Variants in INPP4B observed in about 807,000 individuals in gnomAD.
INPP4B encodes the protein inositol polyphosphate-4-phosphatase type II B.
In INPP4B, 55 loss-of-function variants were observed where a neutral mutation model predicts 122.5. The ratio of observed to expected loss-of-function variants is 0.45; its 90% CI spans 0.36 to 0.56. The LOEUF is 0.56. INPP4B is among the 20% of genes least tolerant of loss of function. The pLI, the probability that INPP4B is intolerant of heterozygous loss-of-function variation, is 0.00. For missense variants in INPP4B, 1,000 were observed against 1,097.7 expected, an observed-to-expected ratio of 0.91 and a Z score of 1.26; for synonymous variants, 403 against 388.7, an observed-to-expected ratio of 1.04 and a Z score of -0.43.
chr4:142,346,516 G>A lies in INPP4B; in HGVS notation c.373-31754C>T, dbSNP rs534455989. On this transcript the variant is annotated intron_variant, in intron 7 of 25. Coordinates refer to ENST00000262992, the MANE Select transcript of INPP4B (RefSeq NM_001101669.3). ...AAAGTCTCTTTCATAAAACAAAATAGCATCTGAATAAATAAGAGATAAGAG... is the reference window on the plus strand; with the variant it reads ...AAAGTCTCTTTCATAAAACAAAATAACATCTGAATAAATAAGAGATAAGAG... Among the ~76,000 whole-genome samples, 337 of 151,978 alleles carry A rather than the reference G, an allele frequency of 2.2e-3. 2 individuals are homozygous for A. Among genetic ancestry groups the A allele is most frequent in the Middle Eastern group, 6.8e-3 (2 of 292 alleles).
chr4:142,826,886 G>A (rs758958302), intron 1 of INPP4B, among the ~76,000 whole-genome samples: 2 of 152,182 alleles, frequency 1.3e-5, no homozygotes, highest in African/African-American at 4.8e-5. Flanking sequence ...TGTCGCTGTT[G>A]TTGAAATAGC....
intron 1 of INPP4B, among the ~76,000 whole-genome samples, chr4:142,805,943 T>C (rs1778620100): frequency 6.6e-6 from 1 of 152,066 alleles, no homozygotes; most frequent in Non-Finnish European, 1.5e-5. Context: ...AGTCAAGGTA[T>C]GGGAGAGTAT....
intron 12 of INPP4B, among the ~76,000 whole-genome samples, chr4:142,212,112 C>G (rs1277064091): frequency 6.6e-6 from 1 of 152,052 alleles, no homozygotes; most frequent in Non-Finnish European, 1.5e-5. Context: ...GACAGACAAC[C>G]CCGTGTACAA....
chr4:142,780,692 G>A (rs776421093), intron 1 of INPP4B, among the ~76,000 whole-genome samples: 5 of 152,056 alleles, frequency 3.3e-5, no homozygotes, highest in African/African-American at 4.8e-5. Flanking sequence ...CCAGCTACTC[G>A]GGAGGTTGAG....
At position 142,249,848 on chromosome 4, in the gene INPP4B, A is replaced by G. The variant is rs972759136; in HGVS notation, c.688+10644T>C. The stretch of plus-strand genomic sequence containing the variant: ...GACTTAGGCACCAAACTCCATGACT[A>G]TGTGAAAGACCTACCATCTCCCCTT... On this transcript the variant is annotated intron_variant, in intron 11 of 25. Transcript: ENST00000262992. Among the ~76,000 whole-genome samples, 4 of 152,158 alleles carry G rather than the reference A, an allele frequency of 2.6e-5. No individual in the cohort carries two copies. In the South Asian group the frequency reaches 6.2e-4, roughly 24 times the overall value.
intron 2 of INPP4B, among the ~76,000 whole-genome samples, 166 bp downstream of exon 2, chr4:142,725,673 C>T (rs998730190): frequency 6.6e-6 from 1 of 152,154 alleles, no homozygotes; most frequent in Non-Finnish European, 1.5e-5. Context: ...GTACTGTTCA[C>T]TTTATCAATC....
chr4:142,625,889 T>C lies in INPP4B; in HGVS notation c.-191+99950A>G, dbSNP rs566166500. ...CAAAAACAAGAAATGGGGAAAGGAT[T>C]CCCTACTTAATAAATGGTGCTGGGA... is the stretch of plus-strand genomic sequence containing the variant. On this transcript the variant is annotated intron_variant, in intron 2 of 25. Transcript: ENST00000262992. Among the ~76,000 whole-genome samples, 3 of 152,318 alleles carry C rather than the reference T, an allele frequency of 2.0e-5. No homozygotes were observed. The South Asian group carries it at 6.2e-4, about 32-fold the overall frequency.
At chr4:142,413,921 T>C (rs1348060270) in intron 5 of INPP4B, among the ~76,000 whole-genome samples, 5 of 152,090 alleles carry the variant, frequency 3.3e-5, no homozygotes, top group Admixed American at 3.3e-4. Context: ...AACCCTCTGA[T>C]AATAGAATCC....
chr4:142,448,375 G>A (rs1034242075), intron 3 of INPP4B, among the ~76,000 whole-genome samples: 3 of 143,414 alleles, frequency 2.1e-5, no homozygotes, highest in Middle Eastern at 3.7e-3. Context: ...TCTCAGTTAC[G>A]CTGATGATGT....
chr4:142,479,254 A>G (rs2149726910), intron 2 of INPP4B, among the ~76,000 whole-genome samples: 1 of 152,282 alleles, frequency 6.6e-6, no homozygotes, highest in Admixed American at 6.5e-5. Context: ...GCAAATCAAA[A>G]CCACAAAGAG....
intron 7 of INPP4B, among the ~76,000 whole-genome samples, chr4:142,319,547 A>G (rs1020365801): frequency 4.6e-5 from 7 of 152,230 alleles, no homozygotes; most frequent in Admixed American, 3.3e-4. Flanking sequence ...CTACTCAACC[A>G]GGATTCCATA....
intron 2 of INPP4B, among the ~76,000 whole-genome samples, chr4:142,676,786 A>T (rs1444312729): frequency 6.6e-6 from 1 of 152,184 alleles, no homozygotes; most frequent in Non-Finnish European, 1.5e-5. Context: ...CTGGCTAGCC[A>T]TATGCAGAAA....
At chr4:142,313,591 G>A (rs1200545551) in intron 8 of INPP4B, among the ~76,000 whole-genome samples, 1 of 152,168 alleles carries the variant, frequency 6.6e-6, no homozygotes, top group African/African-American at 2.4e-5. Context: ...CTGTGTCTGT[G>A]GAGGTCTGAA....
At chr4:142,134,679 C>G (rs182252780) in intron 18 of INPP4B, among the ~76,000 whole-genome samples, 1 of 151,724 alleles carries the variant, frequency 6.6e-6, no homozygotes, top group East Asian at 1.9e-4. Flanking sequence ...TGCCTGTAAT[C>G]CCAGCTGGTT....
chr4:142,502,197 A>G (rs1416143982), intron 2 of INPP4B, among the ~76,000 whole-genome samples: 1 of 152,142 alleles, frequency 6.6e-6, no homozygotes, highest in Non-Finnish European at 1.5e-5. Flanking sequence ...AGCTTCAGAT[A>G]AGGAGAAACT....
At chr4:142,374,273 G>A (rs1467589775) in intron 7 of INPP4B, among the ~76,000 whole-genome samples, 2 of 151,884 alleles carry the variant, frequency 1.3e-5, no homozygotes, top group African/African-American at 4.8e-5. Context: ...CCCTGATTCA[G>A]GTGAGCCACA....
intron 22 of INPP4B, among the ~76,000 whole-genome samples, chr4:142,109,739 C>T (rs1789039467): frequency 6.6e-6 from 1 of 152,130 alleles, no homozygotes; most frequent in Admixed American, 6.6e-5. Context: ...CTGTTCCTTC[C>T]ACACCTTTAA....
intron 2 of INPP4B, among the ~76,000 whole-genome samples, chr4:142,686,527 G>A (rs992158465): frequency 2.0e-5 from 3 of 151,974 alleles, no homozygotes; most frequent in East Asian, 3.9e-4. Flanking sequence ...ACAAAATACA[G>A]GGCAATAACC....
intron 12 of INPP4B, among the ~76,000 whole-genome samples, chr4:142,215,667 G>T (rs1324074293): frequency 6.6e-6 from 1 of 151,810 alleles, no homozygotes; most frequent in Non-Finnish European, 1.5e-5. Context: ...GCCGAGGCGG[G>T]CAGATCACGA....
Sources: allele counts gnomAD v4.1 joint callset (sites outside exome capture counted in the v4.1 genomes callset), GRCh38; gene constraint gnomAD v4.1.1; transcripts MANE v1.5; gene names NCBI Gene and HGNC (gene_info 2026-07-23, HGNC 2026-07-21).